Variants in ADAMTS20 observed in about 807,000 individuals in gnomAD.
ADAMTS20 encodes A disintegrin and metalloproteinase with thrombospondin motifs 20.
Under a neutral mutation model 260.1 loss-of-function variants are expected in ADAMTS20, and 225 were observed. The observed-to-expected ratio is 0.87, with a 90% CI of 0.78 to 0.97. The LOEUF (loss-of-function observed/expected upper bound fraction) is 0.97, where lower values mean the gene tolerates loss of function less well. Among genes scored for constraint, ADAMTS20 ranks in the 50% least tolerant of loss-of-function variants. The pLI, the probability that ADAMTS20 is intolerant of heterozygous loss-of-function variation, is 0.00. For synonymous variants in ADAMTS20, 802 were observed against 769.5 expected (o/e 1.04, Z -0.70); for missense variants, 2,400 against 2,337.7 (o/e 1.03, Z -0.55).
At chr12:43,472,821 G>A (rs1942288089) in intron 7 of ADAMTS20, among the ~76,000 whole-genome samples, 1 of 150,444 alleles carries the variant, frequency 6.6e-6, no homozygotes, top group Admixed American at 6.6e-5. Flanking sequence ...TGCCCTAAAA[G>A]AGCTCCTGAA....
In ADAMTS20 at chr12:43,551,123, T is replaced by A. The variant is rs1943508663; in HGVS notation, c.239A>T (p.Tyr80Phe). The change falls in exon 2 of 39, where the codon TAT becomes TTT. Residue 80 changes from tyrosine to phenylalanine, a missense_variant. Transcript: ENST00000389420. The surrounding 1 kb of genome is among the most constrained non-coding windows in gnomAD (Gnocchi z 4.6). Reference sequence around the variant, plus strand: ...GAGCTGCCCGTAGGCAGTGAAGCGATAGTGGGTTCGGAACGGCATGGGTTC... The same window carrying A: ...GAGCTGCCCGTAGGCAGTGAAGCGAAAGTGGGTTCGGAACGGCATGGGTTC... ...ALEPMPFRTH[Y>F]RFTAYGQLFQ... The A allele has an allele frequency of 6.2e-7, 1 of 1,613,794 alleles. No homozygotes were observed. Among genetic ancestry groups the A allele is most frequent in the East Asian group, 2.2e-5 (1 of 44,846 alleles).
At chr12:43,536,982 A>G (rs1277881333) in intron 2 of ADAMTS20, among the ~76,000 whole-genome samples, 1 of 152,220 alleles carries the variant, frequency 6.6e-6, no homozygotes, top group Non-Finnish European at 1.5e-5. Context: ...CCATTTCTTA[A>G]TCACAAATAT....
At chr12:43,501,055 C>CTTTTTTTTTTTTTTTTTT (rs79075751) in intron 4 of ADAMTS20, among the ~76,000 whole-genome samples, 1 of 104,882 alleles carries the variant, frequency 9.5e-6, no homozygotes. Context: ...CTATGTAATT[C>CTTTTTTTTTTTTTTTTTT]TTTTTTTTTT....
At chr12:43,522,633 G>C (rs1356396158) in intron 3 of ADAMTS20, among the ~76,000 whole-genome samples, 1 of 152,126 alleles carries the variant, frequency 6.6e-6, no homozygotes, top group East Asian at 1.9e-4. Context: ...GAATTCAGAG[G>C]CTTTGTTTCA....
rs562184013 is a variant in ADAMTS20, at chr12:43,399,311, T to C, written c.4285-78A>G. The C allele has an allele frequency of 3.4e-6, 4 of 1,170,130 alleles. No homozygotes were observed. The South Asian group carries it at 9.3e-5, about 27-fold the overall frequency. The allele number at this position is 1,170,130 out of a possible 1,614,324, so 72.5% of individuals were successfully genotyped here. ...GCTTATCTTAAAGAAGTACAAAATG[T>C]AACAATCCACACATAATTCCTTTGA... On this transcript the variant is annotated intron_variant, in intron 28 of 38. Transcript: ENST00000389420.
intron 36 of ADAMTS20, among the ~76,000 whole-genome samples, chr12:43,374,724 T>G (rs1454682073): frequency 2.7e-5 from 4 of 149,530 alleles, no homozygotes; most frequent in African/African-American, 1.0e-4. Context: ...CATTAGAAAC[T>G]AATGTAAATG....
At chr12:43,369,479 A>C in intron 36 of ADAMTS20, 98 bp from the exon 37 acceptor site, 1 of 443,140 alleles carries the variant, frequency 2.3e-6, no homozygotes. Flanking sequence ...GTAAATATAC[A>C]TATTTATATA....
Position 43,464,728 on chromosome 12 carries a change from C to T in ADAMTS20, c.1372G>A (p.Gly458Ser). 3 of 1,612,094 alleles carry T rather than the reference C, an allele frequency of 1.9e-6. No individual in the cohort carries two copies. Among genetic ancestry groups the T allele is most frequent in the Non-Finnish European group, 2.5e-6 (3 of 1,178,950 alleles). ...TTGTCAAGAAGACATTCCCCGTAACCAGTACTGTAACAGTGACAGAAAATA... is the reference window on the plus strand; with the variant it reads ...TTGTCAAGAAGACATTCCCCGTAACTAGTACTGTAACAGTGACAGAAAATA... Reference protein sequence around the residue: ...RKYVTEFLDTGYGECLLDKPD... With the variant: ...RKYVTEFLDTSYGECLLDKPD... Residue 458 changes from glycine to serine, a missense_variant, in exon 10 of 39, where the codon GGT becomes AGT. Gly to Ser is a moderately conservative substitution (Grantham distance 56). Transcript: ENST00000389420.
rs35606718 is a variant in ADAMTS20, at chr12:43,440,139, CTTTTTTT to C, written c.2291-77_2291-71del. 1,011 of 556,956 alleles carry C rather than the reference CTTTTTTT, an allele frequency of 1.8e-3. 10 individuals carry two copies. The African/African-American group carries it at 0.019, about 11-fold the overall frequency. The allele number at this position is 556,956 out of a possible 1,614,324, so 34.5% of individuals were successfully genotyped here. On this transcript the variant is annotated intron_variant, in intron 16 of 38. Transcript: ENST00000389420. ...AACAATACAGAAAACACTTGTTTAA[CTTTTTTT>C]TTTTTTTTTTTTTTTGAGACGGAGT...
Position 43,393,741 on chromosome 12 carries a change from A to G in ADAMTS20, c.4452+5325T>C, listed in dbSNP as rs17093254. On this transcript the variant is annotated intron_variant, in intron 29 of 38. Transcript: ENST00000389420. The stretch of plus-strand genomic sequence containing the variant: ...TCAAGGGAATCAATAATATAGTAGT[A>G]CCATTAGCAGTAGTATAGTATTTTG... 4.9e-3 allele frequency among the ~76,000 whole-genome samples: 749 copies of G among 152,158 alleles called. 9 individuals carry two copies. The highest frequency in any genetic ancestry group is 0.016 in the African/African-American group (678 of 41,544).
chr12:43,498,642 T>C (rs890700373), intron 4 of ADAMTS20, among the ~76,000 whole-genome samples: 2 of 152,218 alleles, frequency 1.3e-5, no homozygotes, highest in African/African-American at 4.8e-5. Flanking sequence ...CTTCCTAAAC[T>C]AGAAATATCT....
At chr12:43,433,920 T>C (rs1055826994) in intron 19 of ADAMTS20, 3 of 363,744 alleles carry the variant, frequency 8.2e-6, no homozygotes, top group African/African-American at 4.3e-5. Flanking sequence ...TAAAGAATCA[T>C]GCTAAAAAAT....
At chr12:43,400,626 C>T (rs1469748583) in intron 28 of ADAMTS20, among the ~76,000 whole-genome samples, 3 of 151,588 alleles carry the variant, frequency 2.0e-5, no homozygotes, top group Admixed American at 6.6e-5. Flanking sequence ...TATGCTTTAC[C>T]GTTCCTGACC....
Position 43,425,497 on chromosome 12 carries a change from C to T in ADAMTS20, c.4284+17G>A. The stretch of plus-strand genomic sequence containing the variant: ...CTTTAAAGTATGACATGTTAACAGA[C>T]AAGAGTGCTATCATACCGATGTCCA... On this transcript the variant is annotated intron_variant, in intron 28 of 38. Transcript: ENST00000389420. The T allele has an allele frequency of 2.1e-6, 3 of 1,448,432 alleles. No homozygotes were observed. Among genetic ancestry groups the T allele is most frequent in the Non-Finnish European group, 2.8e-6 (3 of 1,087,222 alleles). The allele number at this position is 1,448,432 out of a possible 1,614,324, so 89.7% of individuals were successfully genotyped here. A position where few individuals can be genotyped will look rare whatever the true frequency, so the allele number is the denominator to read the frequency against.
At chr12:43,464,525 T>C in intron 10 of ADAMTS20, 66 bp downstream of exon 10, 6 of 1,537,450 alleles carry the variant, frequency 3.9e-6, no homozygotes, top group Non-Finnish European at 5.3e-6. Context: ...AAACACATTT[T>C]GAAATATATT....
chr12:43,409,048 C>A (rs1489906338), intron 28 of ADAMTS20, among the ~76,000 whole-genome samples: 1 of 151,592 alleles, frequency 6.6e-6, no homozygotes, highest in Non-Finnish European at 1.5e-5. Context: ...TTCTCAAATC[C>A]TGAGTGTGTT....
chr12:43,364,391 G>T (rs1451799173), intron 37 of ADAMTS20, among the ~76,000 whole-genome samples: 3 of 152,108 alleles, frequency 2.0e-5, no homozygotes, highest in Non-Finnish European at 4.4e-5. Context: ...TCAGATGTCA[G>T]ACTAAGCTGA....
intron 3 of ADAMTS20, among the ~76,000 whole-genome samples, chr12:43,530,988 T>C (rs1055855743): frequency 1.3e-5 from 2 of 151,906 alleles, no homozygotes; most frequent in Non-Finnish European, 2.9e-5. Flanking sequence ...TAGGTATATA[T>C]CCTGGAGAAA....
intron 6 of ADAMTS20, 146 bp from the exon 7 acceptor site, chr12:43,490,581 C>T: frequency 2.2e-6 from 1 of 463,256 alleles, no homozygotes; most frequent in East Asian, 3.9e-5. Context: ...CTCAAAAAGT[C>T]TAAACCTAGA....
Sources: gnomAD v4.1 joint callset for allele counts (sites outside exome capture counted in the v4.1 genomes callset) on GRCh38, gnomAD v4.1.1 for gene constraint, Gnocchi (gnomAD v3.1) non-coding constraint, MANE v1.5 for transcripts, NCBI Gene and HGNC (gene_info 2026-07-23, HGNC 2026-07-21) for gene names.